SGK2: variants seen among roughly 807,000 people sequenced by gnomAD.
SGK2 encodes serum/glucocorticoid regulated kinase 2, also known as serine/threonine-protein kinase Sgk2.
A neutral mutation model predicts 47.5 loss-of-function variants in SGK2; 36 were observed. That is an observed-to-expected ratio of 0.76 (90% CI 0.58 to 1.00). The LOEUF is 1.00. Ranked by LOEUF, SGK2 falls within the 50% of genes least tolerant of loss-of-function variation. The pLI, the probability that SGK2 is intolerant of heterozygous loss-of-function variation, is 0.00. For missense variants in SGK2, 404 were observed against 467.4 expected, an observed-to-expected ratio of 0.86 and a Z score of 1.25; for synonymous variants, 157 against 181.9, an observed-to-expected ratio of 0.86 and a Z score of 1.10.
At chr20:43,565,601 A>G (rs1979652993) in intron 1 of SGK2, among the ~76,000 whole-genome samples, 1 of 152,162 alleles carries the variant, frequency 6.6e-6, no homozygotes, top group African/African-American at 2.4e-5. Context: ...GCTGGGCTGC[A>G]GCCCAGGCCC....
chr20:43,575,061 CAT>C (rs1361039924), intron 10 of SGK2, 57 bp downstream of exon 10: 16 of 1,172,992 alleles, frequency 1.4e-5, no homozygotes, highest in Non-Finnish European at 2.0e-5. Flanking sequence ...GTCTGTCTCT[CAT>C]GTGGTCTACA....
At position 43,564,494 on chromosome 20, in the gene SGK2, C is replaced by T. The variant is rs550467913; in HGVS notation, c.-23-1979C>T. On this transcript the variant is annotated intron_variant, in intron 1 of 12. Transcript: ENST00000373100. The stretch of plus-strand genomic sequence containing the variant: ...CCGCACGCATGCGTGCATGCACGCG[C>T]GCACACACATACACACACACACCCC... Among the ~76,000 whole-genome samples, 11 of 151,072 alleles carry T rather than the reference C, an allele frequency of 7.3e-5. No homozygotes were observed. The East Asian group carries it at 7.8e-4, about 11-fold the overall frequency.
chr20:43,566,245 TC>T (rs1979699816), intron 1 of SGK2: 4 of 1,205,812 alleles, frequency 3.3e-6, no homozygotes, highest in Non-Finnish European at 4.7e-6. Flanking sequence ...ACCCTGACCA[TC>T]CCCCTTTATC....
At chr20:43,567,140 C>G in intron 3 of SGK2, 23 bp downstream of exon 3, 1 of 1,607,284 alleles carries the variant, frequency 6.2e-7, no homozygotes, top group Non-Finnish European at 8.5e-7. Context: ...CCCTCAAGCA[C>G]CTTTCCTACT....
intron 12 of SGK2, among the ~76,000 whole-genome samples, chr20:43,581,918 C>T (rs571867083): frequency 1.3e-5 from 2 of 152,344 alleles, no homozygotes; most frequent in South Asian, 2.1e-4. Flanking sequence ...GGAGAGTTCT[C>T]ATCTTGCTTG....
rs151255341 is a variant in SGK2, at chr20:43,578,002, C to A, written c.849+1623C>A. ...CTTCCTTGCCAGACCCCAGGCTGGGCAAATGGGATATAGGGATAAATGATT... is the reference window on the plus strand; with the variant it reads ...CTTCCTTGCCAGACCCCAGGCTGGGAAAATGGGATATAGGGATAAATGATT... On this transcript the variant is annotated intron_variant, in intron 11 of 12. Transcript: ENST00000373100. Among the ~76,000 whole-genome samples, 1,118 of 152,118 alleles carry A rather than the reference C, an allele frequency of 7.3e-3. 7 individuals carry two copies. The highest frequency in any genetic ancestry group is 0.012 in the Non-Finnish European group (797 of 68,010).
In SGK2 at chr20:43,562,553, C is replaced by T. The variant is rs184554454; in HGVS notation, c.-24+3394C>T. ...GTCAGGAGTTCGAGACCAGCCTGGCCAACATGGTGAAACCCAGTCTCTACT... is the reference window on the plus strand; with the variant it reads ...GTCAGGAGTTCGAGACCAGCCTGGCTAACATGGTGAAACCCAGTCTCTACT... On this transcript the variant is annotated intron_variant, in intron 1 of 12. Transcript: ENST00000373100. Among the ~76,000 whole-genome samples, 396 of 151,276 alleles carry T rather than the reference C, an allele frequency of 2.6e-3. 2 individuals carry two copies. The highest frequency in any genetic ancestry group is 9.1e-3 in the African/African-American group (375 of 41,180).
chr20:43,583,392 C>T, intron 12 of SGK2: 1 of 1,233,386 alleles, frequency 8.1e-7, no homozygotes, highest in South Asian at 1.4e-5. Flanking sequence ...TCTTTAGTAT[C>T]ATTTTCTTCT....
At position 43,567,642 on chromosome 20, in the gene SGK2, C is replaced by T. The variant is rs757997793; in HGVS notation, c.87-23C>T. ...TTTCCAGACATTGCAAATGCTGATC[C>T]GTGTTTTTCCCTCTTCCCCCAGTGC... On this transcript the variant is annotated intron_variant, in intron 3 of 12. Coordinates refer to ENST00000373100, the MANE Select transcript of SGK2 (RefSeq NM_170693.3). The T allele has an allele frequency of 8.1e-6, 13 of 1,612,584 alleles. No individual in the cohort carries two copies. The South Asian group carries it at 8.8e-5, about 11-fold the overall frequency.
At chr20:43,570,319 A>G (rs1217411229) in intron 6 of SGK2, among the ~76,000 whole-genome samples, 1 of 152,224 alleles carries the variant, frequency 6.6e-6, no homozygotes, top group Non-Finnish European at 1.5e-5. Flanking sequence ...TGAAACTAGC[A>G]TGACACTTGT....
intron 1 of SGK2, chr20:43,566,092 G>A (rs1979688847): frequency 2.3e-6 from 1 of 439,552 alleles, no homozygotes; most frequent in African/African-American, 2.0e-5. Flanking sequence ...TCTGTGAAAT[G>A]GGGGATGGGT....
rs1219670214 is a variant in SGK2 at position 43,575,070 on chromosome 20, T to C, written c.693+66T>C. 4.7e-6 allele frequency: 5 copies of C among 1,064,200 alleles called. No homozygotes were observed. The East Asian group carries it at 1.2e-4, about 26-fold the overall frequency. 65.9% of individuals were successfully genotyped at this position (1,064,200 alleles called of 1,614,324 possible). A position where few individuals can be genotyped will look rare whatever the true frequency, so the allele number is the denominator to read the frequency against. On this transcript the variant is annotated intron_variant, in intron 10 of 12. Coordinates refer to ENST00000373100, the MANE Select transcript of SGK2 (RefSeq NM_170693.3). ...GGATGGGTCTGTCTCTCATGTGGTC[T>C]ACACAAGCTCTGTCCAGGAAAATGA...
At chr20:43,560,987 G>A (rs1420064106) in intron 1 of SGK2, among the ~76,000 whole-genome samples, 1 of 152,212 alleles carries the variant, frequency 6.6e-6, no homozygotes, top group African/African-American at 2.4e-5. Context: ...TAGACAAAAT[G>A]TATAGGGAAT....
rs1179209270 is a variant in SGK2, at chr20:43,568,044, C to G, written c.228+45C>G. ...GGCATTTCTTCTTCTGCTTCTCAAGCCGCAGCCTAGGGTGGCTTTCAAAGA... is the reference window on the plus strand; with the variant it reads ...GGCATTTCTTCTTCTGCTTCTCAAGGCGCAGCCTAGGGTGGCTTTCAAAGA... On this transcript the variant is annotated intron_variant, in intron 5 of 12. Transcript: ENST00000373100. 1.9e-6 allele frequency: 3 copies of G among 1,544,168 alleles called. No homozygotes were observed. The East Asian group carries it at 6.7e-5, about 35-fold the overall frequency.
chr20:43,585,441 T>C lies in SGK2; in HGVS notation c.*425T>C, dbSNP rs1428752129. The C allele has an allele frequency of 6.2e-6, 1 of 161,262 alleles. No homozygotes were observed. Among genetic ancestry groups the C allele is most frequent in the Non-Finnish European group, 1.4e-5 (1 of 72,916 alleles). 10.0% of individuals were successfully genotyped at this position (161,262 alleles called of 1,614,324 possible). The stretch of plus-strand genomic sequence containing the variant: ...AATGGAGGCTGGGAGATGTGGCTTA[T>C]TTGCTGGGTACGTGACTATCCCTAA... On this transcript the variant is annotated 3_prime_UTR_variant, in exon 13 of 13. Coordinates refer to ENST00000373100, the MANE Select transcript of SGK2 (RefSeq NM_170693.3).
intron 7 of SGK2, 121 bp downstream of exon 7, chr20:43,570,850 G>T (rs554130787): frequency 4.4e-5 from 56 of 1,269,822 alleles, no homozygotes; most frequent in Non-Finnish European, 6.2e-5. Context: ...TTTGGGTGGG[G>T]TTGGAGTCTC....
intron 12 of SGK2, chr20:43,583,379 G>A (rs1340798757): frequency 2.4e-6 from 3 of 1,254,018 alleles, no homozygotes; most frequent in Non-Finnish European, 2.1e-6. Flanking sequence ...TCTTCAGTAA[G>A]TCTCTTTAGT....
At chr20:43,581,354 T>C (rs982772349) in intron 12 of SGK2, among the ~76,000 whole-genome samples, 2 of 152,186 alleles carry the variant, frequency 1.3e-5, no homozygotes, top group Admixed American at 1.3e-4. Flanking sequence ...TTCCATCTTA[T>C]GTTGGTAACA....
Position 43,566,509 on chromosome 20 carries a change from C to T in SGK2, c.14C>T (p.Pro5Leu). 1 of 1,613,760 alleles carries T rather than the reference C, an allele frequency of 6.2e-7. No individual in the cohort carries two copies. The highest frequency in any genetic ancestry group is 1.1e-5 in the South Asian group (1 of 91,006). The change falls in exon 2 of 13, where the codon CCA becomes CTA. Residue 5 changes from proline (P) to leucine (L), a missense_variant. Physicochemically the swap from Pro to Leu is moderately conservative, Grantham distance 98. Transcript: ENST00000373100. ...CATTGCTACAGAATGAACTCTAGCC[C>T]AGCTGGGACCCCAAGTCCACAGGTG... MNSS[P>L]AGTPSPQPSR...
Sources: allele counts gnomAD v4.1 joint callset (sites outside exome capture counted in the v4.1 genomes callset), GRCh38; gene constraint gnomAD v4.1.1; transcripts MANE v1.5; gene names NCBI Gene and HGNC (gene_info 2026-07-23, HGNC 2026-07-21).